The following AK2 variants were observed in gnomAD, a reference collection of about 807,000 sequenced individuals.
The protein encoded by AK2 is adenylate kinase 2.
Under a neutral mutation model 24.6 loss-of-function variants are expected in AK2, and 15 were observed. The observed-to-expected ratio is 0.61, with a 90% CI of 0.41 to 0.94. The LOEUF is 0.94. Ranked by LOEUF, AK2 falls within the 40% of genes least tolerant of loss-of-function variation. AK2 has a pLI of 0.00. For missense variants in AK2, 257 were observed against 304.1 expected (o/e 0.85, Z 1.15); for synonymous variants, 102 against 114.0 (o/e 0.90, Z 0.67).
intron 5 of AK2, 80 bp from the exon 6 acceptor site, chr1:33,013,482 T>G: frequency 6.4e-7 from 1 of 1,554,006 alleles, no homozygotes; most frequent in South Asian, 1.2e-5. Flanking sequence ...AGATTTGAGA[T>G]GGGACCATTC....
At position 33,013,097 on chromosome 1, in the gene AK2, C is replaced by T; in HGVS notation, c.*84G>A. ...TACATCAAATGATATTTTTGCTAGC[C>T]TGAGGAAGCTTCTCTTTGCCTGTCC... On this transcript the variant is annotated 3_prime_UTR_variant, in exon 6 of 6. Coordinates refer to ENST00000672715, the MANE Select transcript of AK2 (RefSeq NM_001625.4). The T allele has an allele frequency of 6.2e-7, 1 of 1,612,152 alleles. No homozygotes were observed. The highest frequency in any genetic ancestry group is 8.5e-7 in the Non-Finnish European group (1 of 1,179,970).
chr1:33,011,485 C>T lies in AK2; in HGVS notation c.*1696G>A, dbSNP rs1428609760. The T allele has an allele frequency of 2.3e-6, 3 of 1,287,286 alleles. No individual in the cohort carries two copies. The highest frequency in any genetic ancestry group is 3.0e-5 in the African/African-American group (2 of 65,794). 79.7% of individuals were successfully genotyped at this position (1,287,286 alleles called of 1,614,324 possible). A position where few individuals can be genotyped will look rare whatever the true frequency, so the allele number is the denominator to read the frequency against. ...AAGAGGGAAGCAAGGTGGCCAGGTACTCATGCCCAGTTGCCATGTGGACAG... is the reference window on the plus strand; with the variant it reads ...AAGAGGGAAGCAAGGTGGCCAGGTATTCATGCCCAGTTGCCATGTGGACAG... On this transcript the variant is annotated 3_prime_UTR_variant, in exon 6 of 6. Coordinates refer to ENST00000672715, the MANE Select transcript of AK2 (RefSeq NM_001625.4).
At position 33,008,748 on chromosome 1, in the gene AK2, G is replaced by A. The variant is rs1410407581; in HGVS notation, c.*4433C>T. 9 of 454,004 alleles carry A rather than the reference G, an allele frequency of 2.0e-5. No individual in the cohort carries two copies. The highest frequency in any genetic ancestry group is 7.8e-5 in the South Asian group (5 of 64,484). 28.1% of individuals were successfully genotyped at this position (454,004 alleles called of 1,614,324 possible). On this transcript the variant is annotated 3_prime_UTR_variant, in exon 6 of 6. Coordinates refer to ENST00000672715, the MANE Select transcript of AK2 (RefSeq NM_001625.4). ...TGCTGTGTGAGGGTTACGTGAAGTC[G>A]AGGGTTACATGAAGCCTTTGCATAA... is the stretch of plus-strand genomic sequence containing the variant.
intron 1 of AK2, among the ~76,000 whole-genome samples, chr1:33,034,204 C>G (rs1640428391): frequency 6.6e-6 from 1 of 152,036 alleles, no homozygotes; most frequent in Non-Finnish European, 1.5e-5. Flanking sequence ...CTTTCAACTC[C>G]CAGCTCTAAT....
In AK2 at chr1:33,011,820, G is replaced by T. The variant is rs1310881708; in HGVS notation, c.*1361C>A. The T allele has an allele frequency of 2.0e-6, 3 of 1,507,022 alleles. No individual in the cohort carries two copies. The Admixed American group carries it at 6.0e-5, about 30-fold the overall frequency. The allele number at this position is 1,507,022 out of a possible 1,614,324, so 93.4% of individuals were successfully genotyped here. A position where few individuals can be genotyped will look rare whatever the true frequency, so the allele number is the denominator to read the frequency against. On this transcript the variant is annotated 3_prime_UTR_variant, in exon 6 of 6. Transcript: ENST00000672715. The stretch of plus-strand genomic sequence containing the variant: ...TAAAAGCTGGTAACTGTCACAGGTG[G>T]TCTTATTTCTGGGTGATCTTTTCTT...
intron 1 of AK2, among the ~76,000 whole-genome samples, chr1:33,034,958 G>T (rs1640488382): frequency 6.6e-6 from 1 of 152,014 alleles, no homozygotes; most frequent in South Asian, 2.1e-4. Flanking sequence ...AGGGTGAGGT[G>T]GGAGGATTGC....
chr1:33,022,981 A>C (rs1279948640), intron 2 of AK2, among the ~76,000 whole-genome samples: 1 of 152,198 alleles, frequency 6.6e-6, no homozygotes, highest in African/African-American at 2.4e-5. Context: ...CAATTACATG[A>C]AGGGAAAACT....
chr1:33,013,141 C>T lies in AK2; in HGVS notation c.*40G>A. 1 of 1,614,002 alleles carries T rather than the reference C, an allele frequency of 6.2e-7. No individual in the cohort carries two copies. Among genetic ancestry groups the T allele is most frequent in the Non-Finnish European group, 8.5e-7 (1 of 1,180,012 alleles). On this transcript the variant is annotated 3_prime_UTR_variant, in exon 6 of 6. Coordinates refer to ENST00000672715, the MANE Select transcript of AK2 (RefSeq NM_001625.4). ...CCTGTCCTATCATTCCCACCCATTG[C>T]CTCACAGGGATGGAAAGAAATTCCT...
chr1:33,022,110 G>A (rs190952908), intron 2 of AK2, among the ~76,000 whole-genome samples: 47 of 152,268 alleles, frequency 3.1e-4, no homozygotes, highest in Admixed American at 2.5e-3. Flanking sequence ...CAGGAAATGT[G>A]AGGACAAATG....
Position 33,011,987 on chromosome 1 carries a change from A to G in AK2, c.*1194T>C, listed in dbSNP as rs1317064097. 1 of 1,535,100 alleles carries G rather than the reference A, an allele frequency of 6.5e-7. No individual in the cohort carries two copies. Among genetic ancestry groups the G allele is most frequent in the African/African-American group, 1.4e-5 (1 of 73,042 alleles). On this transcript the variant is annotated 3_prime_UTR_variant, in exon 6 of 6. Transcript: ENST00000672715. ...GACTGGGTTTGAATAAATACTGATC[A>G]AAATGAATCCAAGAATAGATCACAC... is the stretch of plus-strand genomic sequence containing the variant.
At chr1:33,014,422 G>C in intron 5 of AK2, 100 bp downstream of exon 5, 1 of 930,804 alleles carries the variant, frequency 1.1e-6, no homozygotes, top group Non-Finnish European at 1.7e-6. Context: ...TAGTAATATT[G>C]GTAGAAATAA....
At chr1:33,014,490 A>G (rs1324121066) in intron 5 of AK2, 32 bp downstream of exon 5, 2 of 1,582,616 alleles carry the variant, frequency 1.3e-6, no homozygotes, top group African/African-American at 1.3e-5. Flanking sequence ...GGAAGGAAAG[A>G]AAAGGAAATT....
intron 1 of AK2, among the ~76,000 whole-genome samples, chr1:33,033,785 T>C (rs1271739152): frequency 2.0e-5 from 3 of 152,216 alleles, no homozygotes; most frequent in Non-Finnish European, 4.4e-5. Context: ...CTTTTGTGTA[T>C]TCAAAATTCT....
Position 33,021,699 on chromosome 1 carries a change from C to A in AK2, c.224G>T (p.Ser75Ile), listed in dbSNP as rs140838488. The change falls in exon 3 of 6, where the codon AGT becomes ATT. Residue 75 changes from serine to isoleucine, a missense_variant. By Grantham distance (142) the Ser-to-Ile change is moderately radical (BLOSUM62 -2). Coordinates refer to ENST00000672715, the MANE Select transcript of AK2 (RefSeq NM_001625.4). Reference protein sequence around the residue: ...KATMDAGKLVSDEMVVELIEK... With the variant: ...KATMDAGKLVIDEMVVELIEK... ...AATGAGCTCCACTACCATTTCATCA[C>A]TCACCTGGAAGTTAGGAACAAAATA... The A allele has an allele frequency of 4.6e-4, 737 of 1,612,798 alleles. No homozygotes were observed. Among genetic ancestry groups the A allele is most frequent in the Non-Finnish European group, 6.0e-4 (706 of 1,178,854 alleles).
At chr1:33,036,118 C>A (rs1006597102) in intron 1 of AK2, among the ~76,000 whole-genome samples, 4 of 152,064 alleles carry the variant, frequency 2.6e-5, no homozygotes, top group Admixed American at 2.6e-4. Context: ...TCAAAGGTTG[C>A]GACTCATGGG....
chr1:33,035,628 C>A (rs981409046), intron 1 of AK2, among the ~76,000 whole-genome samples: 2 of 152,178 alleles, frequency 1.3e-5, no homozygotes, highest in African/African-American at 4.8e-5. Context: ...ATCCAACCTG[C>A]GGGCTTCCAA....
At chr1:33,015,433 G>T (rs1406662148) in intron 4 of AK2, among the ~76,000 whole-genome samples, 1 of 152,234 alleles carries the variant, frequency 6.6e-6, no homozygotes, top group Admixed American at 6.5e-5. Context: ...CTAAGGAAAG[G>T]AGGCAGGCCA....
intron 2 of AK2, 74 bp downstream of exon 2, chr1:33,024,368 G>C: frequency 6.3e-7 from 1 of 1,594,648 alleles, no homozygotes; most frequent in Non-Finnish European, 8.6e-7. Context: ...ACCTGTGGCT[G>C]GTGGCTACCA....
Position 33,011,205 on chromosome 1 carries a change from T to G in AK2, c.*1976A>C. The G allele has an allele frequency of 1.5e-6, 2 of 1,308,376 alleles. No homozygotes were observed. Among genetic ancestry groups the G allele is most frequent in the African/African-American group, 3.0e-5 (2 of 66,956 alleles). 81.0% of individuals were successfully genotyped at this position (1,308,376 alleles called of 1,614,324 possible). A position where few individuals can be genotyped will look rare whatever the true frequency, so the allele number is the denominator to read the frequency against. ...AACCTCAACTTTGAGGCCAAGTGCT[T>G]ACAATTGTCCCTAGTTAAAGGGGAG... On this transcript the variant is annotated 3_prime_UTR_variant, in exon 6 of 6. Transcript: ENST00000672715.
Sources: gnomAD v4.1 joint callset for allele counts (sites outside exome capture counted in the v4.1 genomes callset) on GRCh38, gnomAD v4.1.1 for gene constraint, MANE v1.5 for transcripts, NCBI Gene and HGNC (gene_info 2026-07-23, HGNC 2026-07-21) for gene names.